The following PCTP variants were observed in gnomAD, a reference collection of about 807,000 sequenced individuals.
PCTP encodes the protein phosphatidylcholine transfer protein.
Under a neutral mutation model 31.0 loss-of-function variants are expected in PCTP, and 27 were observed. That is an observed-to-expected ratio of 0.87 (90% CI 0.64 to 1.20). The LOEUF (loss-of-function observed/expected upper bound fraction) is 1.20, where lower values mean the gene tolerates loss of function less well. Among genes scored for constraint, PCTP ranks in the 50% most tolerant of loss-of-function variants. PCTP has a pLI of 0.00. For synonymous variants in PCTP, 108 were observed against 101.2 expected (o/e 1.07, Z -0.40); for missense variants, 287 against 268.2 (o/e 1.07, Z -0.49).
intron 3 of PCTP, among the ~76,000 whole-genome samples, chr17:55,815,469 G>T (rs1419555147): frequency 6.6e-6 from 1 of 152,176 alleles, no homozygotes. Flanking sequence ...AGCTGTTTGT[G>T]CATGGAGTAA....
chr17:55,767,571 T>A, intron 2 of PCTP, 119 bp downstream of exon 2: 1 of 580,992 alleles, frequency 1.7e-6, no homozygotes, highest in Non-Finnish European at 2.9e-6. Context: ...TTCAAGCGAT[T>A]CTCCTGCCTC....
chr17:55,769,832 GAGA>G (rs10597427), intron 2 of PCTP: 9,512 of 152,274 alleles, frequency 0.062, 292 homozygotes, highest in African/African-American at 0.067. Context: ...CCATGCAGCT[GAGA>G]AGTAGGGGAA....
intron 3 of PCTP, among the ~76,000 whole-genome samples, chr17:55,817,375 G>A (rs534205294): frequency 6.6e-6 from 1 of 152,324 alleles, no homozygotes; most frequent in South Asian, 2.1e-4. Context: ...TCCTCTTCTT[G>A]CAGTTGGCTT....
At chr17:55,848,833 G>A in the PCTP span, among the ~76,000 whole-genome samples, 1 of 152,152 alleles carries the variant, frequency 6.6e-6, no homozygotes, top group African/African-American at 2.4e-5. Flanking sequence ...ACTTTCTAAT[G>A]CTGGGGTCCA....
intron 3 of PCTP, among the ~76,000 whole-genome samples, chr17:55,795,762 A>C (rs1035176483): frequency 9.9e-5 from 15 of 152,192 alleles, no homozygotes; most frequent in African/African-American, 3.4e-4. Context: ...GGAAATAAAC[A>C]ATCATAATAG....
At chr17:55,797,376 G>T (rs1912219514) in intron 3 of PCTP, among the ~76,000 whole-genome samples, 1 of 151,912 alleles carries the variant, frequency 6.6e-6, no homozygotes, top group Non-Finnish European at 1.5e-5. Context: ...TATAAGTGAA[G>T]GCAAAAAAGC....
intron 1 of PCTP, among the ~76,000 whole-genome samples, chr17:55,755,163 TG>T (rs1909942202): frequency 6.6e-6 from 1 of 152,136 alleles, no homozygotes; most frequent in Non-Finnish European, 1.5e-5. Flanking sequence ...AAGATTCTAG[TG>T]GCTTAGTTAT....
Position 55,774,854 on chromosome 17 carries a change from G to A in PCTP, c.574G>A (p.Ala192Thr), listed in dbSNP as rs752370465. 7.1e-6 allele frequency: 8 copies of A among 1,121,764 alleles called. No homozygotes were observed. Among genetic ancestry groups the A allele is most frequent in the South Asian group, 3.6e-5 (3 of 82,206 alleles). The allele number at this position is 1,121,764 out of a possible 1,614,324, so 69.5% of individuals were successfully genotyped here. The change falls in exon 5 of 6, where the codon GCC (alanine) becomes ACC (threonine). Residue 192 changes from alanine to threonine, a missense_variant. Transcript: ENST00000268896. ...TCCGTCCTGGCTCATTAACTGGGCC[G>A]CCAAGGTGAGATCCCAGGAGGTGGG... The part of the protein sequence containing the change: ...QIPSWLINWA[A>T]KNGVPNFLKD...
chr17:55,777,849 T>A (rs989126462), downstream of PCTP, among the ~76,000 whole-genome samples: 8 of 152,194 alleles, frequency 5.3e-5, no homozygotes, highest in African/African-American at 1.9e-4. Context: ...CTGAAATCTA[T>A]TCTAGATAAA....
chr17:55,852,401 G>C, the PCTP span, among the ~76,000 whole-genome samples: 1 of 152,128 alleles, frequency 6.6e-6, no homozygotes, highest in Non-Finnish European at 1.5e-5. Flanking sequence ...TATTTAAGCT[G>C]AGTCATACAA....
At chr17:55,803,885 T>C (rs2145031629) in intron 3 of PCTP, among the ~76,000 whole-genome samples, 1 of 140,984 alleles carries the variant, frequency 7.1e-6, no homozygotes, top group Non-Finnish European at 1.5e-5. Context: ...AAAGAGCTTC[T>C]GCAGAGCAAA....
chr17:55,823,829 A>G (rs538478586), downstream of PCTP, among the ~76,000 whole-genome samples: 1 of 152,346 alleles, frequency 6.6e-6, no homozygotes, highest in Non-Finnish European at 1.5e-5. Context: ...CTAGCTGGTC[A>G]CAGCTAGCTC....
chr17:55,851,470 C>T, the PCTP span, among the ~76,000 whole-genome samples: 4 of 152,196 alleles, frequency 2.6e-5, no homozygotes, highest in East Asian at 3.8e-4. Context: ...TGGAGGCCAA[C>T]CACACTGCAG....
At chr17:55,801,537 A>G (rs1331362659) in intron 3 of PCTP, among the ~76,000 whole-genome samples, 2 of 152,198 alleles carry the variant, frequency 1.3e-5, no homozygotes, top group African/African-American at 2.4e-5. Flanking sequence ...GTGCAATCAA[A>G]TTAGAACTCA....
intron 5 of PCTP, among the ~76,000 whole-genome samples, chr17:55,831,115 G>A (rs571064608): frequency 1.6e-4 from 24 of 152,192 alleles, no homozygotes; most frequent in Middle Eastern, 3.4e-3. Context: ...GGCTGAGACC[G>A]GAGAGCTTTT....
At chr17:55,779,642 G>A (rs566332356), downstream of PCTP, among the ~76,000 whole-genome samples, 2 of 152,268 alleles carry the variant, frequency 1.3e-5, no homozygotes, top group East Asian at 1.9e-4. Context: ...TGAGATTGAG[G>A]AGTGACCTAA....
At chr17:55,782,172 G>A (rs1302027593), downstream of PCTP, among the ~76,000 whole-genome samples, 1 of 152,148 alleles carries the variant, frequency 6.6e-6, no homozygotes, top group African/African-American at 2.4e-5. Flanking sequence ...CTCAGAAGAG[G>A]GTCAGCCTTT....
At chr17:55,762,570 A>G (rs1377488025) in intron 1 of PCTP, among the ~76,000 whole-genome samples, 1 of 152,120 alleles carries the variant, frequency 6.6e-6, no homozygotes, top group Non-Finnish European at 1.5e-5. Context: ...AGAAAATTGG[A>G]CAATCAATGA....
At chr17:55,775,812 A>T in intron 5 of PCTP, 1 of 1,289,980 alleles carries the variant, frequency 7.8e-7, no homozygotes, top group Non-Finnish European at 9.8e-7. Flanking sequence ...AAGCTAACAT[A>T]TAAGGCCTTT....
Sources: gnomAD v4.1 joint callset for allele counts (sites outside exome capture counted in the v4.1 genomes callset) on GRCh38, gnomAD v4.1.1 for gene constraint, MANE v1.5 for transcripts, NCBI Gene and HGNC (gene_info 2026-07-23, HGNC 2026-07-21) for gene names.